Variants in SPRR2B observed in about 807,000 individuals in gnomAD.
SPRR2B encodes the protein small proline rich protein 2B, also known as small proline-rich protein 2B.
Under a neutral mutation model 1.0 loss-of-function variants are expected in SPRR2B, and 1 was observed. The observed-to-expected ratio is 1.01, with a 90% CI of 0.36 to 4.77. The LOEUF (loss-of-function observed/expected upper bound fraction) is 4.77, where lower values mean the gene tolerates loss of function less well. Ranked by LOEUF, SPRR2B falls within the 30% of genes most tolerant of loss-of-function variation. The probability of loss-of-function intolerance (pLI) is 0.16; values close to 1 mark genes in which losing one functional copy is unlikely to be tolerated. For synonymous variants in SPRR2B, 27 were observed against 33.4 expected (o/e 0.81, Z 0.66); for missense variants, 53 against 88.7 (o/e 0.60, Z 1.62).
the SPRR2B span, among the ~76,000 whole-genome samples, chr1:153,079,956 A>T: frequency 6.6e-6 from 1 of 152,206 alleles, no homozygotes; most frequent in Non-Finnish European, 1.5e-5. Flanking sequence ...TACTTTGGGC[A>T]GTGTGGCCAT....
the SPRR2B span, among the ~76,000 whole-genome samples, chr1:153,084,117 A>G: frequency 6.6e-6 from 1 of 152,152 alleles, no homozygotes; most frequent in Non-Finnish European, 1.5e-5. Flanking sequence ...CAGCTAACAA[A>G]TGGAGAACTC....
chr1:153,080,695 A>C, the SPRR2B span, among the ~76,000 whole-genome samples: 2 of 152,214 alleles, frequency 1.3e-5, no homozygotes, highest in African/African-American at 2.4e-5. Context: ...AAGGTTAAAT[A>C]AAATATAAAC....
chr1:153,075,082 A>G (rs1399495354), upstream of SPRR2B, among the ~76,000 whole-genome samples: 1 of 152,208 alleles, frequency 6.6e-6, no homozygotes, highest in Non-Finnish European at 1.5e-5. Context: ...ACGGTGGCTC[A>G]TGCCTGAAAT....
chr1:153,072,249 A>T (rs753280976), upstream of SPRR2B, among the ~76,000 whole-genome samples: 1 of 152,162 alleles, frequency 6.6e-6, no homozygotes, highest in Non-Finnish European at 1.5e-5. Flanking sequence ...GTTGTCTTAC[A>T]CACCTCTTAT....
chr1:153,080,891 T>C, the SPRR2B span, among the ~76,000 whole-genome samples: 7 of 152,206 alleles, frequency 4.6e-5, no homozygotes, highest in Admixed American at 3.9e-4. Context: ...TCTACCAACA[T>C]GTCCTTCAAT....
rs1404627614 is a variant in SPRR2B at position 153,070,591 on chromosome 1, C to T, written c.*30G>A. 1.9e-6 allele frequency: 3 copies of T among 1,603,302 alleles called. No individual in the cohort carries two copies. Among genetic ancestry groups the T allele is most frequent in the East Asian group, 4.5e-5 (2 of 44,804 alleles). On this transcript the variant is annotated 3_prime_UTR_variant, in exon 2 of 2. Transcript: ENST00000368755. ...ACGAGGTGAGCCAATTATCCTTATC[C>T]TCTCATGCTCCTGATGAATCCTGAA... is the stretch of plus-strand genomic sequence containing the variant.
In SPRR2B at chr1:153,070,230, T is replaced by C. The variant is rs1360964395; in HGVS notation, c.*391A>G. The C allele has an allele frequency of 4.6e-6, 2 of 433,256 alleles. No homozygotes were observed. Among genetic ancestry groups the C allele is most frequent in the Non-Finnish European group, 8.1e-6 (2 of 246,158 alleles). 26.8% of individuals were successfully genotyped at this position (433,256 alleles called of 1,614,324 possible). A position where few individuals can be genotyped will look rare whatever the true frequency, so the allele number is the denominator to read the frequency against. ...CAAAAGACCCATTCACAAATATATA[T>C]GCATAGATACTTTATTCAGGGAGTG... On this transcript the variant is annotated 3_prime_UTR_variant, in exon 2 of 2. Coordinates refer to ENST00000368755, the MANE Select transcript of SPRR2B (RefSeq NM_001388198.1).
At chr1:153,076,627 A>T in the SPRR2B span, among the ~76,000 whole-genome samples, 2 of 152,218 alleles carry the variant, frequency 1.3e-5, no homozygotes, top group African/African-American at 4.8e-5. Context: ...CTAAGAAAAA[A>T]ATCAAAACTA....
chr1:153,078,317 A>G, the SPRR2B span, among the ~76,000 whole-genome samples: 1 of 152,226 alleles, frequency 6.6e-6, no homozygotes, highest in Non-Finnish European at 1.5e-5. Context: ...AACTGTTATA[A>G]GAGACTACAA....
chr1:153,072,591 A>G (rs1158753910), upstream of SPRR2B, among the ~76,000 whole-genome samples: 1 of 152,212 alleles, frequency 6.6e-6, no homozygotes, highest in African/African-American at 2.4e-5. Flanking sequence ...AGGGGAAAAT[A>G]TCAACTCAGT....
chr1:153,082,979 T>C, the SPRR2B span, among the ~76,000 whole-genome samples: 2 of 152,122 alleles, frequency 1.3e-5, no homozygotes, highest in Non-Finnish European at 1.5e-5. Context: ...ATAAAAACGA[T>C]GTAAGACTCA....
chr1:153,081,406 C>A, the SPRR2B span, among the ~76,000 whole-genome samples: 1 of 152,150 alleles, frequency 6.6e-6, no homozygotes, highest in Non-Finnish European at 1.5e-5. Context: ...ATACTTAAAG[C>A]CCTAAAATAA....
chr1:153,072,544 G>A (rs1211995287), upstream of SPRR2B, among the ~76,000 whole-genome samples: 1 of 152,162 alleles, frequency 6.6e-6, no homozygotes, highest in East Asian at 1.9e-4. Flanking sequence ...GGTCTTCTCA[G>A]AGTAGAGAAG....
At chr1:153,081,702 A>G in the SPRR2B span, among the ~76,000 whole-genome samples, 1 of 152,254 alleles carries the variant, frequency 6.6e-6, no homozygotes, top group Non-Finnish European at 1.5e-5. Flanking sequence ...TTAAAATGCA[A>G]ATGAACACAA....
At chr1:153,077,345 TAAAG>T in the SPRR2B span, among the ~76,000 whole-genome samples, 1 of 152,138 alleles carries the variant, frequency 6.6e-6, no homozygotes, top group African/African-American at 2.4e-5. Context: ...TGAGAAATGA[TAAAG>T]AGAGACTCTC....
At chr1:153,075,696 T>C (rs538516237), upstream of SPRR2B, among the ~76,000 whole-genome samples, 23 of 152,336 alleles carry the variant, frequency 1.5e-4, no homozygotes, top group Admixed American at 1.5e-3. Flanking sequence ...GGCAAAATAT[T>C]GAAGTCAAGT....
chr1:153,081,181 A>G, the SPRR2B span, among the ~76,000 whole-genome samples: 1 of 152,254 alleles, frequency 6.6e-6, no homozygotes, highest in Non-Finnish European at 1.5e-5. Flanking sequence ...TCTCGAAAGC[A>G]GCAAGAGGGA....
the SPRR2B span, among the ~76,000 whole-genome samples, chr1:153,077,490 G>T: frequency 9.2e-5 from 14 of 151,750 alleles, no homozygotes; most frequent in Non-Finnish European, 1.3e-4. Flanking sequence ...TTTTCTACAA[G>T]ATTTAAAATG....
chr1:153,078,664 T>C, the SPRR2B span, among the ~76,000 whole-genome samples: 1 of 152,210 alleles, frequency 6.6e-6, no homozygotes, highest in Non-Finnish European at 1.5e-5. Context: ...GTTTCCAGCT[T>C]CATCCATGTC....
Sources: gnomAD v4.1 joint callset for allele counts (sites outside exome capture counted in the v4.1 genomes callset) on GRCh38, gnomAD v4.1.1 for gene constraint, MANE v1.5 for transcripts, NCBI Gene and HGNC (gene_info 2026-07-23, HGNC 2026-07-21) for gene names.